SLC30A9: variants seen among roughly 807,000 people sequenced by gnomAD.
SLC30A9 encodes solute carrier family 30 member 9.
A neutral mutation model predicts 87.5 loss-of-function variants in SLC30A9; 58 were observed. The observed-to-expected ratio is 0.66, with a 90% confidence interval of 0.54 to 0.82. The LOEUF is 0.82. SLC30A9 is among the 40% of genes least tolerant of loss of function. The pLI is 0.00. For missense variants in SLC30A9, 557 were observed against 679.1 expected (o/e 0.82, Z 2.00); for synonymous variants, 234 against 233.0 (o/e 1.00, Z -0.04).
At chr4:42,051,914 C>G (rs1717397771) in intron 9 of SLC30A9, among the ~76,000 whole-genome samples, 2 of 151,526 alleles carry the variant, frequency 1.3e-5, no homozygotes, top group East Asian at 1.9e-4. Flanking sequence ...GGGAAAAAAC[C>G]CTACAGACCA....
At chr4:42,006,821 T>G (rs1442176967) in intron 2 of SLC30A9, among the ~76,000 whole-genome samples, 1 of 152,122 alleles carries the variant, frequency 6.6e-6, no homozygotes, top group Admixed American at 6.6e-5. Flanking sequence ...GTGATCCAGC[T>G]TCCATATTCC....
chr4:42,015,708 A>T (rs568858684), intron 2 of SLC30A9, among the ~76,000 whole-genome samples: 9 of 152,222 alleles, frequency 5.9e-5, no homozygotes, highest in African/African-American at 2.2e-4. Context: ...CATTCTCTTC[A>T]GCTCCTGCTG....
chr4:42,064,254 G>T (rs1214557529), intron 11 of SLC30A9, among the ~76,000 whole-genome samples: 7 of 152,148 alleles, frequency 4.6e-5, no homozygotes, highest in Non-Finnish European at 1.0e-4. Flanking sequence ...AGTCTAGTGG[G>T]TAGAGGCCCC....
At chr4:42,035,166 G>T in intron 6 of SLC30A9, 109 bp from the exon 7 acceptor site, 3 of 1,085,216 alleles carry the variant, frequency 2.8e-6, no homozygotes, top group South Asian at 3.1e-5. Flanking sequence ...TATTTTTGCT[G>T]TTAGCTAGTA....
intron 6 of SLC30A9, among the ~76,000 whole-genome samples, chr4:42,033,751 A>G (rs957567811): frequency 1.3e-5 from 2 of 152,020 alleles, no homozygotes; most frequent in Admixed American, 1.3e-4. Flanking sequence ...AATTTTTTGT[A>G]TTTTTAGTAG....
rs1293306811 is a variant in SLC30A9, at chr4:42,071,844, C to A, written c.1418+1153C>A. 2.0e-5 allele frequency among the ~76,000 whole-genome samples: 3 copies of A among 152,120 alleles called. No individual in the cohort carries two copies. In the East Asian group the frequency reaches 5.8e-4, roughly 29 times the overall value. Reference sequence around the variant, plus strand: ...GAGAATGAGTTGGGAAATGTTCTCTCCTATTTTTTTGGAAGAGTTTGTGAA... The same window carrying A: ...GAGAATGAGTTGGGAAATGTTCTCTACTATTTTTTTGGAAGAGTTTGTGAA... On this transcript the variant is annotated intron_variant, in intron 15 of 17. Transcript: ENST00000264451.
intron 2 of SLC30A9, among the ~76,000 whole-genome samples, chr4:42,017,047 A>G (rs967937562): frequency 5.9e-5 from 9 of 152,154 alleles, no homozygotes; most frequent in African/African-American, 1.9e-4. Context: ...GTGCCCATTT[A>G]TATTTCCACC....
At position 42,053,614 on chromosome 4, in the gene SLC30A9, G is replaced by A. The variant is rs942642326; in HGVS notation, c.840+4135G>A. On this transcript the variant is annotated intron_variant, in intron 9 of 17. Coordinates refer to ENST00000264451, the MANE Select transcript of SLC30A9 (RefSeq NM_006345.4). Reference sequence around the variant, plus strand: ...TAAGGCAGGAGAATCGCTTGAACCCGGGAGGCGGGGGTTACAGTGAGCCAA... The same window carrying A: ...TAAGGCAGGAGAATCGCTTGAACCCAGGAGGCGGGGGTTACAGTGAGCCAA... 5.4e-5 allele frequency among the ~76,000 whole-genome samples: 8 copies of A among 148,468 alleles called. No homozygotes were observed. In the South Asian group the frequency reaches 8.6e-4, roughly 16 times the overall value.
intron 7 of SLC30A9, 77 bp downstream of exon 7, chr4:42,035,410 A>G: frequency 5.3e-6 from 8 of 1,507,546 alleles, no homozygotes; most frequent in Non-Finnish European, 6.3e-6. Context: ...GTAAAATTCT[A>G]GCATGTCTGT....
At chr4:41,990,845 G>A in intron 1 of SLC30A9, 85 bp downstream of exon 1, 2 of 948,004 alleles carry the variant, frequency 2.1e-6, no homozygotes, top group Non-Finnish European at 3.2e-6. Flanking sequence ...GGGGCAATTC[G>A]CCCACTTGCC....
intron 1 of SLC30A9, among the ~76,000 whole-genome samples, chr4:41,993,177 TTAA>T (rs1233351941): frequency 1.3e-5 from 2 of 150,326 alleles, no homozygotes; most frequent in East Asian, 1.9e-4. Context: ...TTTATATATT[TTAA>T]TAATAAAATA....
chr4:42,072,931 A>T (rs1229214743), intron 15 of SLC30A9, among the ~76,000 whole-genome samples: 2 of 149,558 alleles, frequency 1.3e-5, no homozygotes, highest in Non-Finnish European at 1.5e-5. Context: ...CTCCTGCCTT[A>T]CCCTCCCAAG....
chr4:42,054,603 G>A, intron 9 of SLC30A9, among the ~76,000 whole-genome samples: 1 of 150,848 alleles, frequency 6.6e-6, no homozygotes, highest in East Asian at 2.0e-4. Flanking sequence ...CCATTCTCCT[G>A]CCTCAGCCTC....
chr4:42,051,441 C>T (rs1360154564), intron 9 of SLC30A9, among the ~76,000 whole-genome samples: 3 of 152,106 alleles, frequency 2.0e-5, no homozygotes, highest in South Asian at 2.1e-4. Context: ...AAAAATCAGT[C>T]GGAAGCAGAC....
At position 42,088,381 on chromosome 4, in the gene SLC30A9, C is replaced by G. The variant is rs1407498533; in HGVS notation, c.*2255C>G. 6.6e-6 allele frequency: 1 copy of G among 152,268 alleles called. No individual in the cohort carries two copies. Among genetic ancestry groups the G allele is most frequent in the African/African-American group, 2.4e-5 (1 of 41,392 alleles). 9.4% of individuals were successfully genotyped at this position (152,268 alleles called of 1,614,324 possible). On this transcript the variant is annotated 3_prime_UTR_variant, in exon 18 of 18. Transcript: ENST00000264451. The stretch of plus-strand genomic sequence containing the variant: ...GCAACACAGCGAGACCTCATCTCTA[C>G]TAAAAAAAGTTAGCCGGGTGTGGTG...
chr4:42,064,956 G>C (rs1718022041), intron 11 of SLC30A9, among the ~76,000 whole-genome samples: 1 of 151,918 alleles, frequency 6.6e-6, no homozygotes, highest in South Asian at 2.1e-4. Flanking sequence ...TAATTGAAGA[G>C]TGTCCTGGGA....
Position 42,025,704 on chromosome 4 carries a change from C to G in SLC30A9, c.610+2320C>G, listed in dbSNP as rs1335054369. On this transcript the variant is annotated intron_variant, in intron 6 of 17. Coordinates refer to ENST00000264451, the MANE Select transcript of SLC30A9 (RefSeq NM_006345.4). ...TTTTCGAGACAGAGTCTTGCTGTGT[C>G]ACCCAGGCTGGAGTGCAGTGGCGCA... is the stretch of plus-strand genomic sequence containing the variant. Among the ~76,000 whole-genome samples, 3 of 152,248 alleles carry G rather than the reference C, an allele frequency of 2.0e-5. No homozygotes were observed. The East Asian group carries it at 5.8e-4, about 29-fold the overall frequency.
intron 6 of SLC30A9, among the ~76,000 whole-genome samples, chr4:42,034,990 T>C (rs1420334253): frequency 1.3e-5 from 2 of 152,206 alleles, no homozygotes; most frequent in Admixed American, 6.5e-5. Context: ...GGATGTGAGG[T>C]GATATCTCAT....
intron 9 of SLC30A9, among the ~76,000 whole-genome samples, chr4:42,050,525 T>C (rs1717342749): frequency 6.6e-6 from 1 of 152,178 alleles, no homozygotes; most frequent in East Asian, 1.9e-4. Flanking sequence ...TTGAAGACAG[T>C]GTTTAAGTGT....
Sources: allele counts gnomAD v4.1 joint callset (sites outside exome capture counted in the v4.1 genomes callset), GRCh38; gene constraint gnomAD v4.1.1; transcripts MANE v1.5; gene names NCBI Gene and HGNC (gene_info 2026-07-23, HGNC 2026-07-21).